BNC2: variants seen among roughly 807,000 people sequenced by gnomAD.
BNC2 encodes the protein basonuclin zinc finger protein 2.
BNC2 carries 20 observed loss-of-function variants against 76.3 expected under a neutral mutation model. That is an observed-to-expected ratio of 0.26 (90% CI 0.18 to 0.38). BNC2 has a LOEUF of 0.38. Among genes scored for constraint, BNC2 ranks in the 10% least tolerant of loss-of-function variants. The probability of loss-of-function intolerance (pLI) is 1.00; values close to 1 mark genes in which losing one functional copy is unlikely to be tolerated. For missense variants in BNC2, 1,382 were observed against 1,399.8 expected (o/e 0.99, Z 0.20); for synonymous variants, 582 against 514.8 (o/e 1.13, Z -1.77).
intron 1 of BNC2, among the ~76,000 whole-genome samples, chr9:16,764,785 A>C (rs921855378): frequency 6.6e-6 from 1 of 151,962 alleles, no homozygotes; most frequent in Non-Finnish European, 1.5e-5. Flanking sequence ...TTAAAAATCA[A>C]ATTTTAAGAT....
chr9:16,500,171 T>C (rs1356394535), intron 5 of BNC2, among the ~76,000 whole-genome samples: 1 of 151,962 alleles, frequency 6.6e-6, no homozygotes, highest in Non-Finnish European at 1.5e-5. Context: ...CTCTCTCCTC[T>C]ACCCCTTTTC....
intron 1 of BNC2, among the ~76,000 whole-genome samples, chr9:16,853,175 T>C (rs566443175): frequency 2.0e-4 from 31 of 152,250 alleles, no homozygotes; most frequent in African/African-American, 7.2e-4. Flanking sequence ...CCCAGCACTT[T>C]GGGAGGCCCA....
chr9:16,717,743 C>G (rs1273248554), intron 3 of BNC2, among the ~76,000 whole-genome samples: 2 of 152,060 alleles, frequency 1.3e-5, no homozygotes, highest in African/African-American at 4.8e-5. Context: ...CTCTATTAAG[C>G]CTACTTTGAG....
chr9:16,810,897 T>G (rs111994835), intron 1 of BNC2, among the ~76,000 whole-genome samples: 5 of 152,240 alleles, frequency 3.3e-5, no homozygotes, highest in African/African-American at 1.2e-4. Context: ...CCCCAAATTT[T>G]TTTTAAAAGG....
intron 5 of BNC2, among the ~76,000 whole-genome samples, chr9:16,465,484 G>GC (rs1046995982): frequency 6.7e-6 from 1 of 148,764 alleles, no homozygotes; most frequent in African/African-American, 2.5e-5. Flanking sequence ...AGGCAACAAG[G>GC]CAACAATCAA....
chr9:16,785,638 T>A, intron 1 of BNC2, among the ~76,000 whole-genome samples: 1 of 148,772 alleles, frequency 6.7e-6, no homozygotes, highest in Admixed American at 6.8e-5. Context: ...CCTCAGGTGA[T>A]CGGCCCGCCT....
At chr9:16,643,305 C>CAAA (rs34196473) in intron 3 of BNC2, among the ~76,000 whole-genome samples, 3 of 121,576 alleles carry the variant, frequency 2.5e-5, no homozygotes, top group African/African-American at 8.9e-5. Context: ...GACTCTGTCT[C>CAAA]AAAAAAAAAA....
chr9:16,518,852 C>A (rs965476955), intron 5 of BNC2, among the ~76,000 whole-genome samples: 1 of 152,140 alleles, frequency 6.6e-6, no homozygotes, highest in Non-Finnish European at 1.5e-5. Context: ...CCACCTGCCT[C>A]GGCCTCCCCA....
At chr9:16,737,581 T>C (rs1184868422) in intron 2 of BNC2, among the ~76,000 whole-genome samples, 1 of 151,338 alleles carries the variant, frequency 6.6e-6, no homozygotes, top group Non-Finnish European at 1.5e-5. Flanking sequence ...GGTCTCGCTA[T>C]GTTGCCCAGG....
At chr9:16,508,578 A>C (rs1352707590) in intron 5 of BNC2, among the ~76,000 whole-genome samples, 1 of 152,172 alleles carries the variant, frequency 6.6e-6, no homozygotes, top group Non-Finnish European at 1.5e-5. Context: ...ACCTGAATTT[A>C]TTATGGCCAG....
At position 16,436,119 on chromosome 9, in the gene BNC2, G is replaced by C. The variant is rs1821007546; in HGVS notation, c.2075C>G (p.Ser692Cys). 2.5e-6 allele frequency: 4 copies of C among 1,614,032 alleles called. No homozygotes were observed. Among genetic ancestry groups the C allele is most frequent in the Non-Finnish European group, 2.5e-6 (3 of 1,180,050 alleles). The stretch of plus-strand genomic sequence containing the variant: ...AATGCACCGGGTCCTGTTATGCTTA[G>C]AAAAGTCCTTCACAGACATGCCTGG... ...MSPGMSVKDF[S>C]KHNRTRCISR... The change falls in exon 6 of 7, where the codon TCT becomes TGT. Residue 692 changes from serine (S) to cysteine (C), a missense_variant. This residue lies in a region of BNC2 where 798 missense variants were observed against 775.5 expected (regional missense o/e 1.03). Transcript: ENST00000380672.
chr9:16,823,415 A>G (rs2135961859), intron 1 of BNC2, among the ~76,000 whole-genome samples: 1 of 138,560 alleles, frequency 7.2e-6, no homozygotes, highest in East Asian at 2.2e-4. Context: ...ACATAGTGAG[A>G]TCCTGTCTCT....
intron 3 of BNC2, chr9:16,704,691 T>TAAAAAAAAAA (rs149042840): frequency 8.1e-6 from 1 of 124,076 alleles, no homozygotes; most frequent in African/African-American, 3.0e-5. Flanking sequence ...TTTTTTTTTT[T>TAAAAAAAAAA]AAAAAAAAAA....
At chr9:16,626,296 G>A (rs1019470798) in intron 3 of BNC2, 14 of 152,170 alleles carry the variant, frequency 9.2e-5, no homozygotes, top group African/African-American at 3.1e-4. Context: ...TCATGACATT[G>A]CTGAATGAAA....
At position 16,813,342 on chromosome 9, in the gene BNC2, T is replaced by C. The variant is rs569469015; in HGVS notation, c.3+57304A>G. ...GTGCAGTGGTGCGATCTCGGCTCAC[T>C]GCAAGCTCCACCTCCCGGGTTCACG... On this transcript the variant is annotated intron_variant, in intron 1 of 6. Transcript: ENST00000380672. 4.3e-3 allele frequency among the ~76,000 whole-genome samples: 645 copies of C among 151,552 alleles called. 2 individuals carry two copies. The highest frequency in any genetic ancestry group is 0.017 in the South Asian group (79 of 4,764).
intron 3 of BNC2, among the ~76,000 whole-genome samples, chr9:16,628,011 C>T (rs1388496369): frequency 6.6e-6 from 1 of 152,142 alleles, no homozygotes; most frequent in Non-Finnish European, 1.5e-5. Flanking sequence ...TCAGGCCAAT[C>T]CTTAAGAAGT....
chr9:16,835,255 T>C (rs1276617551), intron 1 of BNC2, among the ~76,000 whole-genome samples: 1 of 152,240 alleles, frequency 6.6e-6, no homozygotes, highest in African/African-American at 2.4e-5. Flanking sequence ...CTTCAATCAA[T>C]AGCATTGATT....
chr9:16,700,231 C>A (rs1158146406), intron 3 of BNC2, among the ~76,000 whole-genome samples: 2 of 152,098 alleles, frequency 1.3e-5, no homozygotes, highest in Non-Finnish European at 2.9e-5. Flanking sequence ...ATGGATGAAA[C>A]AAAATTTATA....
At chr9:16,831,144 G>C (rs933062234) in intron 1 of BNC2, among the ~76,000 whole-genome samples, 1 of 152,166 alleles carries the variant, frequency 6.6e-6, no homozygotes, top group African/African-American at 2.4e-5. Context: ...GAAATAATCT[G>C]TGTATTTGCA....
Sources: gnomAD v4.1 joint callset for allele counts (sites outside exome capture counted in the v4.1 genomes callset) on GRCh38, gnomAD v4.1.1 for gene constraint, gnomAD v4.1.1 regional missense constraint, MANE v1.5 for transcripts, NCBI Gene and HGNC (gene_info 2026-07-23, HGNC 2026-07-21) for gene names.